Variants in CDC42SE2 observed in about 807,000 individuals in gnomAD.
The protein encoded by CDC42SE2 is CDC42 small effector protein 2.
A neutral mutation model predicts 11.5 loss-of-function variants in CDC42SE2; 3 were observed. The observed-to-expected ratio is 0.26, with a 90% CI of 0.12 to 0.67. The LOEUF (loss-of-function observed/expected upper bound fraction) is 0.67. Ranked by LOEUF, CDC42SE2 falls within the 30% of genes least tolerant of loss-of-function variation. The pLI, the probability that CDC42SE2 is intolerant of heterozygous loss-of-function variation, is 0.80. For missense variants in CDC42SE2, 82 were observed against 106.8 expected (o/e 0.77, Z 1.02); for synonymous variants, 33 against 34.8 (o/e 0.95, Z 0.18).
intron 4 of CDC42SE2, 30 bp downstream of exon 4, chr5:131,385,674 G>C: frequency 7.4e-7 from 1 of 1,348,938 alleles, no homozygotes; most frequent in Non-Finnish European, 1.1e-6. Context: ...ATGCAGGTAG[G>C]GCATTGGGGC....
intron 1 of CDC42SE2, among the ~76,000 whole-genome samples, chr5:131,296,916 G>T (rs918544237): frequency 6.6e-6 from 1 of 151,774 alleles, no homozygotes; most frequent in Admixed American, 6.6e-5. Flanking sequence ...TATTATAAAA[G>T]ATTTCCTTGT....
At chr5:131,364,576 C>G (rs1749801353) in intron 3 of CDC42SE2, among the ~76,000 whole-genome samples, 1 of 152,150 alleles carries the variant, frequency 6.6e-6, no homozygotes, top group South Asian at 2.1e-4. Flanking sequence ...GAAGAACATA[C>G]CTATTTTTTC....
At chr5:131,371,341 T>G (rs2149780036) in intron 3 of CDC42SE2, among the ~76,000 whole-genome samples, 1 of 152,306 alleles carries the variant, frequency 6.6e-6, no homozygotes, top group Non-Finnish European at 1.5e-5. Flanking sequence ...GTTCTCGGGG[T>G]ACCCTAAAGT....
chr5:131,296,487 C>G (rs1047399901), intron 1 of CDC42SE2, among the ~76,000 whole-genome samples: 5 of 152,172 alleles, frequency 3.3e-5, no homozygotes, highest in African/African-American at 1.2e-4. Flanking sequence ...TCTTGCTTTA[C>G]CTTAGCTTCA....
intron 2 of CDC42SE2, among the ~76,000 whole-genome samples, chr5:131,331,024 T>G (rs1430529207): frequency 1.3e-5 from 2 of 151,890 alleles, no homozygotes; most frequent in African/African-American, 4.8e-5. Context: ...AGACCCTCTC[T>G]CAAAAAAAAT....
At chr5:131,210,110 C>T in the CDC42SE2 span, among the ~76,000 whole-genome samples, 435 of 152,322 alleles carry the variant, frequency 2.9e-3, 1 homozygote, top group Non-Finnish European at 5.1e-3. Context: ...TTTCATGAGG[C>T]CTCATCAGAA....
chr5:131,245,444 C>T (rs1392011150), upstream of CDC42SE2: 2 of 151,792 alleles, frequency 1.3e-5, no homozygotes, highest in Non-Finnish European at 2.9e-5. Context: ...TGTGTCATAC[C>T]AAGAAGAAGA....
At chr5:131,377,271 C>T (rs981237901) in intron 3 of CDC42SE2, among the ~76,000 whole-genome samples, 2 of 151,140 alleles carry the variant, frequency 1.3e-5, no homozygotes, top group Non-Finnish European at 2.9e-5. Context: ...CGGGTTCAAA[C>T]GATTATTGTG....
At chr5:131,382,209 G>A (rs1363572592) in intron 3 of CDC42SE2, among the ~76,000 whole-genome samples, 1 of 152,236 alleles carries the variant, frequency 6.6e-6, no homozygotes, top group Non-Finnish European at 1.5e-5. Flanking sequence ...GCTTTTCAGT[G>A]TCAGAGTAGC....
chr5:131,298,432 A>G (rs1381736419), intron 1 of CDC42SE2, among the ~76,000 whole-genome samples: 2 of 151,300 alleles, frequency 1.3e-5, no homozygotes, highest in Non-Finnish European at 2.9e-5. Context: ...TCTTTAAAAT[A>G]TTTTATGAAT....
intron 1 of CDC42SE2, among the ~76,000 whole-genome samples, chr5:131,312,192 A>C (rs1054874427): frequency 1.3e-5 from 2 of 149,140 alleles, no homozygotes; most frequent in Non-Finnish European, 3.0e-5. Context: ...GGTCTGTTGG[A>C]GTACCTTGCT....
At chr5:131,386,406 A>G (rs756242794) in intron 4 of CDC42SE2, among the ~76,000 whole-genome samples, 3 of 152,246 alleles carry the variant, frequency 2.0e-5, no homozygotes, top group Non-Finnish European at 4.4e-5. Context: ...TGGTAATATT[A>G]GAATGTTGGT....
chr5:131,218,714 A>G, the CDC42SE2 span, among the ~76,000 whole-genome samples: 1 of 152,198 alleles, frequency 6.6e-6, no homozygotes, highest in African/African-American at 2.4e-5. Flanking sequence ...ATTGATATAT[A>G]ATGTTATAAA....
At chr5:131,371,109 T>C (rs1330438781) in intron 3 of CDC42SE2, among the ~76,000 whole-genome samples, 1 of 152,246 alleles carries the variant, frequency 6.6e-6, no homozygotes, top group Admixed American at 6.5e-5. Flanking sequence ...TTTAATAATA[T>C]AATGGTATTT....
At chr5:131,364,597 A>G (rs889315407) in intron 3 of CDC42SE2, among the ~76,000 whole-genome samples, 25 of 152,208 alleles carry the variant, frequency 1.6e-4, no homozygotes, top group African/African-American at 6.0e-4. Context: ...TAGTGGTTTG[A>G]CTTACTGTAT....
intron 2 of CDC42SE2, among the ~76,000 whole-genome samples, chr5:131,348,302 C>T (rs980231579): frequency 5.3e-5 from 8 of 152,134 alleles, no homozygotes; most frequent in Non-Finnish European, 1.0e-4. Flanking sequence ...CAATGTCTCA[C>T]GATACAAAAT....
chr5:131,286,865 C>T (rs946939339), intron 1 of CDC42SE2, among the ~76,000 whole-genome samples: 2 of 151,494 alleles, frequency 1.3e-5, no homozygotes, highest in Non-Finnish European at 2.9e-5. Context: ...GGCTCCTGGT[C>T]AGCAGTAGGC....
chr5:131,241,915 A>G (rs1192756293), upstream of CDC42SE2, among the ~76,000 whole-genome samples: 1 of 152,196 alleles, frequency 6.6e-6, no homozygotes, highest in Non-Finnish European at 1.5e-5. Flanking sequence ...TCTTCTATAT[A>G]ATAGATTACA....
chr5:131,329,560 A>G (rs182141474), intron 2 of CDC42SE2, among the ~76,000 whole-genome samples: 1 of 152,208 alleles, frequency 6.6e-6, no homozygotes, highest in Admixed American at 6.5e-5. Context: ...AATATACACA[A>G]GCTATATGAA....
Sources: gnomAD v4.1 joint callset for allele counts (sites outside exome capture counted in the v4.1 genomes callset) on GRCh38, gnomAD v4.1.1 for gene constraint, MANE v1.5 for transcripts, NCBI Gene and HGNC (gene_info 2026-07-23, HGNC 2026-07-21) for gene names.